Variants in GRIN2A observed in about 807,000 individuals in gnomAD.
GRIN2A encodes glutamate receptor ionotropic, NMDA 2A.
Under a neutral mutation model 113.4 loss-of-function variants are expected in GRIN2A, and 22 were observed. The ratio of observed to expected loss-of-function variants is 0.19; its 90% CI spans 0.14 to 0.28. The LOEUF is 0.28. Among genes scored for constraint, GRIN2A ranks in the 10% least tolerant of loss-of-function variants. The probability of loss-of-function intolerance (pLI) is 1.00; values close to 1 mark genes in which losing one functional copy is unlikely to be tolerated. For synonymous variants in GRIN2A, 827 were observed against 738.4 expected (o/e 1.12, Z -1.94); for missense variants, 1,502 against 1,887.0 (o/e 0.80, Z 3.78).
intron 10 of GRIN2A, among the ~76,000 whole-genome samples, chr16:9,811,522 G>A (rs982751172): frequency 2.0e-5 from 3 of 152,180 alleles, no homozygotes; most frequent in East Asian, 1.9e-4. Flanking sequence ...ACTTTGGGAG[G>A]CCGAGACAGG....
intron 11 of GRIN2A, among the ~76,000 whole-genome samples, chr16:9,779,051 C>T (rs1260751503): frequency 6.6e-6 from 1 of 152,108 alleles, no homozygotes; most frequent in Admixed American, 6.5e-5. Flanking sequence ...AGAGTCAGCC[C>T]GAGAAAGAGA....
At chr16:9,965,134 G>T (rs1875207) in intron 2 of GRIN2A, among the ~76,000 whole-genome samples, 48,150 of 152,026 alleles carry the variant, frequency 0.32, 8,119 homozygotes, top group African/African-American at 0.37. Flanking sequence ...TAGGCAAAAG[G>T]TTCTAATAAA....
intron 2 of GRIN2A, among the ~76,000 whole-genome samples, chr16:10,026,954 T>C (rs542735434): frequency 1.1e-4 from 16 of 152,310 alleles, no homozygotes; most frequent in Non-Finnish European, 2.4e-4. Flanking sequence ...CCCGTGAAGA[T>C]GGCTCTATTT....
intron 2 of GRIN2A, among the ~76,000 whole-genome samples, chr16:10,022,781 C>A (rs1214655884): frequency 1.3e-5 from 2 of 152,150 alleles, no homozygotes. Context: ...AGTCAATGAA[C>A]AACCACTTAA....
chr16:10,028,468 G>A (rs557105863), intron 2 of GRIN2A, among the ~76,000 whole-genome samples: 1 of 152,324 alleles, frequency 6.6e-6, no homozygotes, highest in East Asian at 1.9e-4. Context: ...TCATCCAACA[G>A]GATGTGGGCC....
At chr16:9,766,220 T>C (rs899629385) in intron 12 of GRIN2A, among the ~76,000 whole-genome samples, 1 of 152,214 alleles carries the variant, frequency 6.6e-6, no homozygotes, top group South Asian at 2.1e-4. Context: ...CTGCTGACTT[T>C]GGCATAAACT....
At chr16:9,915,360 T>C (rs1261053315) in intron 3 of GRIN2A, among the ~76,000 whole-genome samples, 1 of 152,168 alleles carries the variant, frequency 6.6e-6, no homozygotes, top group Non-Finnish European at 1.5e-5. Context: ...CCACCACCCT[T>C]AATAATAGCC....
chr16:10,121,025 C>A (rs1008139354), intron 2 of GRIN2A, among the ~76,000 whole-genome samples: 5 of 152,136 alleles, frequency 3.3e-5, no homozygotes, highest in South Asian at 2.1e-4. Context: ...TAAGCTCATC[C>A]TTTCAAACCC....
rs556212937 is a variant in GRIN2A, at chr16:10,107,839, T to C, written c.414+72159A>G. Among the ~76,000 whole-genome samples the C allele has an allele frequency of 3.9e-5, 6 of 152,320 alleles. No homozygotes were observed. In the South Asian group the frequency reaches 1.2e-3, roughly 32 times the overall value. ...AATCCATTTCACAGGCATTTTTCAGTGCCTGTCTGACCACACTGATCAAGG... is the reference window on the plus strand; with the variant it reads ...AATCCATTTCACAGGCATTTTTCAGCGCCTGTCTGACCACACTGATCAAGG... On this transcript the variant is annotated intron_variant, in intron 2 of 12. Coordinates refer to ENST00000330684, the MANE Select transcript of GRIN2A (RefSeq NM_001134407.3).
intron 3 of GRIN2A, among the ~76,000 whole-genome samples, chr16:9,910,628 C>G (rs1400107647): frequency 6.7e-6 from 1 of 149,676 alleles, no homozygotes; most frequent in East Asian, 2.0e-4. Context: ...ACCTCTGCCT[C>G]CCAGGTTTAA....
chr16:10,138,345 T>C (rs556005602), intron 2 of GRIN2A, among the ~76,000 whole-genome samples: 85 of 152,254 alleles, frequency 5.6e-4, no homozygotes, highest in African/African-American at 2.0e-3. Context: ...AGAGGTTTAA[T>C]TGACTCACCG....
intron 2 of GRIN2A, among the ~76,000 whole-genome samples, chr16:10,039,979 C>CACACACA (rs1567254203): frequency 2.4e-3 from 2 of 840 alleles, no homozygotes; most frequent in African/African-American, 6.3e-3. Flanking sequence ...CACAATACAC[C>CACACACA]TCCACACTGC....
At chr16:9,976,096 G>C (rs2045768797) in intron 2 of GRIN2A, among the ~76,000 whole-genome samples, 2 of 152,136 alleles carry the variant, frequency 1.3e-5, no homozygotes, top group Admixed American at 1.3e-4. Flanking sequence ...TTTATTATTA[G>C]TCTATAAACC....
In GRIN2A at chr16:10,107,180, G is replaced by C. The variant is rs75248510; in HGVS notation, c.414+72818C>G. Among the ~76,000 whole-genome samples the C allele has an allele frequency of 8.3e-4, 126 of 152,338 alleles. 2 individuals are homozygous for C. The East Asian group carries it at 0.02, about 24-fold the overall frequency. Reference sequence around the variant, plus strand: ...TTCAATCCTAACCATACACAGGGAAGTTCTTTCTGTATTTGGAAGAGCTAA... The same window carrying C: ...TTCAATCCTAACCATACACAGGGAACTTCTTTCTGTATTTGGAAGAGCTAA... On this transcript the variant is annotated intron_variant, in intron 2 of 12. Transcript: ENST00000330684.
chr16:9,833,704 C>A (rs13331561), intron 8 of GRIN2A, among the ~76,000 whole-genome samples: 2,759 of 152,292 alleles, frequency 0.018, 88 homozygotes, highest in African/African-American at 0.062. Context: ...TACAATGGTA[C>A]ACCAACGCAG....
Position 10,004,890 on chromosome 16 carries a change from G to A in GRIN2A, c.415-66339C>T, listed in dbSNP as rs1259690149. Among the ~76,000 whole-genome samples the A allele has an allele frequency of 2.6e-5, 4 of 152,180 alleles. No individual in the cohort carries two copies. In the East Asian group the frequency reaches 7.7e-4, roughly 29 times the overall value. The stretch of plus-strand genomic sequence containing the variant: ...CAAGGAATTAGAATATAAGCATTTT[G>A]AGGGCCCTTTATTCAGCCTACTACA... On this transcript the variant is annotated intron_variant, in intron 2 of 12. Coordinates refer to ENST00000330684, the MANE Select transcript of GRIN2A (RefSeq NM_001134407.3).
At chr16:10,090,884 C>T (rs1217244658) in intron 2 of GRIN2A, among the ~76,000 whole-genome samples, 2 of 152,062 alleles carry the variant, frequency 1.3e-5, no homozygotes, top group African/African-American at 2.4e-5. Context: ...AAACTCTATA[C>T]TCAATAGTTA....
chr16:10,128,674 A>T (rs1165615064), intron 2 of GRIN2A, among the ~76,000 whole-genome samples: 1 of 152,208 alleles, frequency 6.6e-6, no homozygotes, highest in Non-Finnish European at 1.5e-5. Flanking sequence ...AATAGAAGAG[A>T]ATCCCTCCTT....
chr16:9,835,602 C>A (rs1008094800), intron 7 of GRIN2A, among the ~76,000 whole-genome samples: 4 of 152,176 alleles, frequency 2.6e-5, no homozygotes, highest in South Asian at 2.1e-4. Context: ...AACTTAAAAC[C>A]CTTTTCCTCA....
Sources: allele counts gnomAD v4.1 joint callset (sites outside exome capture counted in the v4.1 genomes callset), GRCh38; gene constraint gnomAD v4.1.1; transcripts MANE v1.5; gene names NCBI Gene and HGNC (gene_info 2026-07-23, HGNC 2026-07-21).